The following SDK1 variants were observed in gnomAD, a reference collection of about 807,000 sequenced individuals.
SDK1 encodes protein sidekick-1.
In SDK1, 157 loss-of-function variants were observed where a neutral mutation model predicts 245.5. The observed-to-expected ratio is 0.64, with a 90% CI of 0.56 to 0.73. The LOEUF is 0.73. Among genes scored for constraint, SDK1 ranks in the 30% least tolerant of loss-of-function variants. SDK1 has a pLI of 0.00. For synonymous variants in SDK1, 1,647 were observed against 1,278.5 expected (o/e 1.29, Z -6.15); for missense variants, 3,583 against 3,002.3 (o/e 1.19, Z -4.52).
At chr7:3,362,219 C>G (rs982016340) in intron 1 of SDK1, among the ~76,000 whole-genome samples, 7 of 152,194 alleles carry the variant, frequency 4.6e-5, no homozygotes, top group African/African-American at 1.7e-4. Flanking sequence ...TGGTGGCCGA[C>G]TACGACAGTG....
chr7:3,347,545 A>T (rs961982657), intron 1 of SDK1, among the ~76,000 whole-genome samples: 1 of 152,180 alleles, frequency 6.6e-6, no homozygotes, highest in Non-Finnish European at 1.5e-5. Context: ...TTCTGTTCCT[A>T]GATATTTTCA....
At chr7:3,692,345 G>T (rs1426750482) in intron 4 of SDK1, among the ~76,000 whole-genome samples, 1 of 152,006 alleles carries the variant, frequency 6.6e-6, no homozygotes, top group East Asian at 1.9e-4. Context: ...TTTCTTTAGT[G>T]TGTATATGTG....
chr7:3,488,294 C>T (rs764965367), intron 1 of SDK1, among the ~76,000 whole-genome samples: 1 of 151,920 alleles, frequency 6.6e-6, no homozygotes, highest in African/African-American at 2.4e-5. Flanking sequence ...TCTGTGCTTT[C>T]TCTTTCTTTA....
At chr7:3,514,592 G>A (rs1033075273) in intron 1 of SDK1, among the ~76,000 whole-genome samples, 1 of 152,146 alleles carries the variant, frequency 6.6e-6, no homozygotes, top group African/African-American at 2.4e-5. Context: ...CAGTGCTCTA[G>A]TCTGACTATG....
At chr7:4,006,563 T>C (rs1007618482) in intron 14 of SDK1, among the ~76,000 whole-genome samples, 8 of 152,168 alleles carry the variant, frequency 5.3e-5, no homozygotes, top group Admixed American at 1.3e-4. Flanking sequence ...AAGCTTGCAA[T>C]TCCAGAGCTT....
intron 22 of SDK1, among the ~76,000 whole-genome samples, chr7:4,105,183 A>G (rs1245910342): frequency 6.6e-6 from 1 of 151,796 alleles, no homozygotes; most frequent in African/African-American, 2.4e-5. Context: ...GGGTTTCACC[A>G]TGTTAGCCAG....
chr7:4,030,231 G>A (rs1001939765), intron 17 of SDK1, among the ~76,000 whole-genome samples: 7 of 152,232 alleles, frequency 4.6e-5, no homozygotes, highest in Non-Finnish European at 7.3e-5. Context: ...ACCAAGGCAT[G>A]TGTTCCTCCT....
At chr7:3,935,338 T>A (rs991466943) in intron 5 of SDK1, among the ~76,000 whole-genome samples, 1 of 152,088 alleles carries the variant, frequency 6.6e-6, no homozygotes, top group African/African-American at 2.4e-5. Context: ...GACATTAGAT[T>A]TAGGAATGAT....
At chr7:3,697,232 A>G (rs1026857171) in intron 4 of SDK1, among the ~76,000 whole-genome samples, 1 of 152,116 alleles carries the variant, frequency 6.6e-6, no homozygotes, top group Non-Finnish European at 1.5e-5. Context: ...TGGTTTTTAA[A>G]TTGCTTGTCT....
At chr7:3,364,783 T>G (rs1781046568) in intron 1 of SDK1, among the ~76,000 whole-genome samples, 1 of 152,196 alleles carries the variant, frequency 6.6e-6, no homozygotes, top group Admixed American at 6.5e-5. Flanking sequence ...TCAGATAAAT[T>G]TTAGCATACA....
At chr7:3,705,430 T>G (rs932540809) in intron 4 of SDK1, among the ~76,000 whole-genome samples, 12 of 34,874 alleles carry the variant, frequency 3.4e-4, no homozygotes, top group African/African-American at 3.1e-3. Flanking sequence ...CTAGTGATTT[T>G]ATTTTATTTT....
intron 1 of SDK1, among the ~76,000 whole-genome samples, chr7:3,532,533 A>T (rs976505205): frequency 6.6e-6 from 1 of 152,150 alleles, no homozygotes; most frequent in African/African-American, 2.4e-5. Context: ...AAGCTCACAC[A>T]CACTAAGTAG....
At chr7:3,427,507 G>A (rs184335709) in intron 1 of SDK1, among the ~76,000 whole-genome samples, 36 of 136,520 alleles carry the variant, frequency 2.6e-4, no homozygotes, top group African/African-American at 7.7e-4. Context: ...TGAGAAGAGC[G>A]AAGCTCCATC....
intron 2 of SDK1, among the ~76,000 whole-genome samples, chr7:3,627,636 C>G (rs979254609): frequency 6.6e-6 from 1 of 152,214 alleles, no homozygotes; most frequent in Non-Finnish European, 1.5e-5. Context: ...CTGGCATTGG[C>G]AAAAGCTAGA....
chr7:4,010,956 A>G lies in SDK1; in HGVS notation c.2132-10A>G, dbSNP rs377602539. ...CTGTGGGCTTGAATTCGTTTTCTTC[A>G]TTCTTTCAGACTCTCCATGGAAGGT... On this transcript the variant is annotated splice_polypyrimidine_tract_variant and intron_variant, in intron 14 of 44. Coordinates refer to ENST00000404826, the MANE Select transcript of SDK1 (RefSeq NM_152744.4). 6.2e-7 allele frequency: 1 copy of G among 1,613,784 alleles called. No homozygotes were observed. The highest frequency in any genetic ancestry group is 1.1e-5 in the South Asian group (1 of 91,064).
intron 5 of SDK1, among the ~76,000 whole-genome samples, chr7:3,871,914 C>T (rs1780965581): frequency 6.6e-6 from 1 of 152,156 alleles, no homozygotes; most frequent in Non-Finnish European, 1.5e-5. Context: ...TATCTTTTAC[C>T]ATTAAATCTG....
At chr7:3,391,343 C>T (rs1385649520) in intron 1 of SDK1, among the ~76,000 whole-genome samples, 1 of 152,116 alleles carries the variant, frequency 6.6e-6, no homozygotes, top group Non-Finnish European at 1.5e-5. Context: ...TTCCATTGTG[C>T]AGGACTTAGG....
intron 4 of SDK1, among the ~76,000 whole-genome samples, chr7:3,756,501 G>C (rs763430903): frequency 6.6e-6 from 1 of 151,004 alleles, no homozygotes; most frequent in East Asian, 1.9e-4. Context: ...GGCATTGTGC[G>C]TGTGAGACAT....
intron 1 of SDK1, among the ~76,000 whole-genome samples, chr7:3,545,055 C>T (rs1001113534): frequency 3.3e-5 from 5 of 152,058 alleles, no homozygotes; most frequent in African/African-American, 1.2e-4. Context: ...GTGCTCCTAC[C>T]AGGACTGGGA....
Sources: allele counts gnomAD v4.1 joint callset (sites outside exome capture counted in the v4.1 genomes callset), GRCh38; gene constraint gnomAD v4.1.1; transcripts MANE v1.5; gene names NCBI Gene and HGNC (gene_info 2026-07-23, HGNC 2026-07-21).